The following KIAA1217 variants were observed in gnomAD, a reference collection of about 807,000 sequenced individuals.
KIAA1217 encodes sickle tail protein homolog.
Under a neutral mutation model 163.9 loss-of-function variants are expected in KIAA1217, and 88 were observed. That is an observed-to-expected ratio of 0.54 (90% CI 0.45 to 0.64). KIAA1217 has a LOEUF of 0.64. Among genes scored for constraint, KIAA1217 ranks in the 30% least tolerant of loss-of-function variants. KIAA1217 has a pLI of 0.00. For synonymous variants in KIAA1217, 903 were observed against 923.1 expected, an observed-to-expected ratio of 0.98 and a Z score of 0.39; for missense variants, 2,372 against 2,475.0, an observed-to-expected ratio of 0.96 and a Z score of 0.88.
rs1422957199 is a variant in KIAA1217 at position 24,024,819 on chromosome 10, C to T, written c.-171+17445C>T. Among the ~76,000 whole-genome samples the T allele has an allele frequency of 2.6e-5, 4 of 151,670 alleles. No homozygotes were observed. In the East Asian group the frequency reaches 7.7e-4, roughly 29 times the overall value. Reference sequence around the variant, plus strand: ...GAGCATCTTTTCATGTGCTTATTTACAATCTGTAAATCTTCTTTGGTGAAT... The same window carrying T: ...GAGCATCTTTTCATGTGCTTATTTATAATCTGTAAATCTTCTTTGGTGAAT... On this transcript the variant is annotated intron_variant, in intron 2 of 18. Coordinates refer to the KIAA1217 transcript ENST00000376462.
chr10:23,947,724 C>T (rs1274077529), intron 1 of KIAA1217, among the ~76,000 whole-genome samples: 2 of 152,122 alleles, frequency 1.3e-5, no homozygotes, highest in Admixed American at 6.6e-5. Context: ...CATTGAGACA[C>T]AGATGGGAAC....
chr10:24,147,883 G>GA (rs1307328724), intron 2 of KIAA1217, among the ~76,000 whole-genome samples: 2 of 57,122 alleles, frequency 3.5e-5, no homozygotes, highest in Non-Finnish European at 7.7e-5. Context: ...GAAAAGAAAA[G>GA]AAAAATGAAC....
At chr10:23,758,852 A>G (rs1330719676) in intron 1 of KIAA1217, among the ~76,000 whole-genome samples, 2 of 151,450 alleles carry the variant, frequency 1.3e-5, no homozygotes, top group Non-Finnish European at 2.9e-5. Context: ...ACACCTGGCT[A>G]ATTTTTGTAT....
intron 1 of KIAA1217, among the ~76,000 whole-genome samples, chr10:23,945,547 C>T (rs1347074184): frequency 2.0e-5 from 3 of 151,998 alleles, no homozygotes; most frequent in Non-Finnish European, 4.4e-5. Context: ...GTGGCGGTTA[C>T]GAAGTGTATA....
chr10:23,868,239 C>T (rs1233173887), intron 1 of KIAA1217, among the ~76,000 whole-genome samples: 1 of 152,062 alleles, frequency 6.6e-6, no homozygotes, highest in Admixed American at 6.6e-5. Flanking sequence ...CTCCTGGGTA[C>T]ATGGTTTTCT....
intron 3 of KIAA1217, among the ~76,000 whole-genome samples, chr10:24,408,604 G>T (rs951322279): frequency 6.6e-6 from 1 of 152,138 alleles, no homozygotes; most frequent in African/African-American, 2.4e-5. Flanking sequence ...CCAATTCCTG[G>T]CATCTTGGCA....
At chr10:24,186,391 G>A (rs181705338) in intron 2 of KIAA1217, among the ~76,000 whole-genome samples, 1 of 152,282 alleles carries the variant, frequency 6.6e-6, no homozygotes, top group African/African-American at 2.4e-5. Context: ...GCCTTCCAGA[G>A]TTGACTTTTT....
intron 3 of KIAA1217, among the ~76,000 whole-genome samples, chr10:24,386,626 T>A (rs1279069471): frequency 6.6e-6 from 1 of 152,122 alleles, no homozygotes; most frequent in East Asian, 1.9e-4. Flanking sequence ...CAGGCTGGAG[T>A]ACAGTGGCAC....
intron 1 of KIAA1217, among the ~76,000 whole-genome samples, chr10:24,000,253 C>T (rs1350908615): frequency 2.6e-5 from 4 of 152,030 alleles, no homozygotes; most frequent in Non-Finnish European, 5.9e-5. Flanking sequence ...TCTCATAATC[C>T]CCACGTGTCG....
chr10:24,002,068 G>C (rs932456946), intron 1 of KIAA1217, among the ~76,000 whole-genome samples: 1 of 152,298 alleles, frequency 6.6e-6, no homozygotes, highest in South Asian at 2.1e-4. Context: ...GCTGGGAAAA[G>C]AAACCAAGAG....
chr10:24,381,018 G>A lies in KIAA1217; in HGVS notation c.504G>A (p.Ala168=), dbSNP rs200258540. 1,127 of 1,606,696 alleles carry A rather than the reference G, an allele frequency of 7.0e-4. 2 individuals carry two copies. Among genetic ancestry groups the A allele is most frequent in the Middle Eastern group, 9.9e-4 (6 of 6,038 alleles). Residue 168 remains alanine, a synonymous_variant, in exon 3 of 21, where the codon GCG becomes GCA. Coordinates refer to ENST00000376454, the MANE Select transcript of KIAA1217 (RefSeq NM_019590.5). ...TTTCCAGAGGCAGCCGGACTCGTGCGAGCCTTCCTGTGGTGAGGTCAACCA... is the reference window on the plus strand; with the variant it reads ...TTTCCAGAGGCAGCCGGACTCGTGCAAGCCTTCCTGTGGTGAGGTCAACCA... The part of the protein sequence containing the change: ...TPFSRGSRTR[A]SLPVVRSTNQ...
chr10:24,218,529 C>T (rs1385824608), intron 1 of KIAA1217, among the ~76,000 whole-genome samples: 1 of 151,518 alleles, frequency 6.6e-6, no homozygotes, highest in African/African-American at 2.4e-5. Flanking sequence ...TGCTCTGTCT[C>T]CCAGGCTGGA....
chr10:24,493,794 G>A (rs941437144), intron 6 of KIAA1217, among the ~76,000 whole-genome samples: 2 of 152,128 alleles, frequency 1.3e-5, no homozygotes, highest in African/African-American at 4.8e-5. Context: ...TTGAGACAGA[G>A]TCTCACTCTT....
Position 24,513,368 on chromosome 10 carries a change from G to A in KIAA1217, c.2111G>A (p.Arg704His), listed in dbSNP as rs753924454. The A allele has an allele frequency of 4.9e-5, 79 of 1,614,106 alleles. 1 individual carries two copies. The highest frequency in any genetic ancestry group is 4.4e-4 in the South Asian group (40 of 91,086). Reference sequence around the variant, plus strand: ...CTGGAGGATCCCGTGCAGCGACAGCGCGTCCTAGTGGAGCAAGAGAGACAA... The same window carrying A: ...CTGGAGGATCCCGTGCAGCGACAGCACGTCCTAGTGGAGCAAGAGAGACAA... Reference protein sequence around the residue: ...KRLEDPVQRQRVLVEQERQKY... With the variant: ...KRLEDPVQRQHVLVEQERQKY... Residue 704 changes from arginine to histidine, a missense_variant, in exon 10 of 21, where the codon CGC becomes CAC. Arg to His is a conservative substitution (Grantham distance 29). Coordinates refer to ENST00000376454, the MANE Select transcript of KIAA1217 (RefSeq NM_019590.5).
Position 24,513,315 on chromosome 10 carries a change from T to G in KIAA1217, c.2058T>G (p.Ser686Arg). The change falls in exon 10 of 21, where the codon AGT (serine) becomes AGG (arginine). Residue 686 changes from serine (S) to arginine (R), a missense_variant. By Grantham distance (110) the Ser-to-Arg change is moderately radical. This residue lies in a region of KIAA1217 where 1,431 missense variants were observed against 1,470.3 expected (regional missense o/e 0.97). Transcript: ENST00000376454. ...AMMKKAELEISGKVMETMKRL... is the reference protein window; with the variant it reads ...AMMKKAELEIRGKVMETMKRL... ...TGAAGAAGGCCGAGCTGGAAATCAG[T>G]GGCAAAGTGATGGAAACAATGAAGA... 1 of 1,614,068 alleles carries G rather than the reference T, an allele frequency of 6.2e-7. No individual in the cohort carries two copies. The highest frequency in any genetic ancestry group is 8.5e-7 in the Non-Finnish European group (1 of 1,180,010).
At chr10:23,814,349 G>T (rs1311481114) in intron 1 of KIAA1217, among the ~76,000 whole-genome samples, 1 of 152,158 alleles carries the variant, frequency 6.6e-6, no homozygotes, top group Non-Finnish European at 1.5e-5. Context: ...CTCCAGATGA[G>T]CAGATCAGTG....
chr10:24,073,279 T>C (rs1339846188), intron 2 of KIAA1217, among the ~76,000 whole-genome samples: 1 of 151,962 alleles, frequency 6.6e-6, no homozygotes, highest in Non-Finnish European at 1.5e-5. Context: ...AGAAGGGGTC[T>C]AGATTTCCTG....
intron 1 of KIAA1217, among the ~76,000 whole-genome samples, chr10:23,817,994 TATATATATATATATACACAC>T (rs1245082858): frequency 2.6e-5 from 3 of 116,892 alleles, no homozygotes; most frequent in South Asian, 2.6e-4. Context: ...TATATATATA[TATATATATATATATACACAC>T]ATATATATAC....
chr10:24,538,343 C>T (rs772551625), intron 17 of KIAA1217, among the ~76,000 whole-genome samples: 11 of 152,056 alleles, frequency 7.2e-5, no homozygotes, highest in Admixed American at 2.6e-4. Context: ...AAGGGAATCT[C>T]GCTATATCCA....
Sources: allele counts gnomAD v4.1 joint callset (sites outside exome capture counted in the v4.1 genomes callset), GRCh38; gene constraint gnomAD v4.1.1; regional missense constraint gnomAD v4.1.1; transcripts MANE v1.5; gene names NCBI Gene and HGNC (gene_info 2026-07-23, HGNC 2026-07-21).